LAMA3: variants seen among roughly 807,000 people sequenced by gnomAD.
LAMA3 encodes the protein laminin subunit alpha-3.
In LAMA3, 281 loss-of-function variants were observed where a neutral mutation model predicts 402.0. That is an observed-to-expected ratio of 0.70 (90% CI 0.63 to 0.77). The LOEUF is 0.77. Among genes scored for constraint, LAMA3 ranks in the 30% least tolerant of loss-of-function variants. The pLI, the probability that LAMA3 is intolerant of heterozygous loss-of-function variation, is 0.00. For synonymous variants in LAMA3, 1,431 were observed against 1,558.4 expected (o/e 0.92, Z 1.93); for missense variants, 3,840 against 4,215.5 (o/e 0.91, Z 2.47).
At chr18:23,718,715 C>T (rs2061155650) in intron 2 of LAMA3, among the ~76,000 whole-genome samples, 1 of 152,152 alleles carries the variant, frequency 6.6e-6, no homozygotes, top group African/African-American at 2.4e-5. Flanking sequence ...GCTGTGATGT[C>T]CACAGCTCCC....
chr18:23,823,835 A>T (rs1404548995), intron 20 of LAMA3, among the ~76,000 whole-genome samples: 1 of 152,230 alleles, frequency 6.6e-6, no homozygotes, highest in Non-Finnish European at 1.5e-5. Flanking sequence ...TTTTTTCCTG[A>T]AAACAAACAA....
At chr18:23,924,543 C>CTTTTTTTTTT (rs66546657) in intron 62 of LAMA3, among the ~76,000 whole-genome samples, 1 of 89,102 alleles carries the variant, frequency 1.1e-5, no homozygotes, top group Non-Finnish European at 2.6e-5. Flanking sequence ...CTTTTTTTTT[C>CTTTTTTTTTT]TTTTTTTTTT....
At chr18:23,735,454 G>A (rs184719139) in intron 2 of LAMA3, among the ~76,000 whole-genome samples, 4 of 152,290 alleles carry the variant, frequency 2.6e-5, no homozygotes, top group Admixed American at 6.5e-5. Context: ...CGTTCCTAGC[G>A]TGTTGTGAGC....
chr18:23,815,090 C>T (rs925380949), intron 15 of LAMA3, 98 bp from the exon 16 acceptor site: 14 of 1,082,314 alleles, frequency 1.3e-5, no homozygotes, highest in Non-Finnish European at 1.8e-5. Flanking sequence ...CTGGCAAGGC[C>T]AACTGCACAC....
intron 13 of LAMA3, among the ~76,000 whole-genome samples, chr18:23,812,049 AT>A (rs894720836): frequency 6.6e-6 from 1 of 151,594 alleles, no homozygotes; most frequent in African/African-American, 2.4e-5. Context: ...AATTTTTTGT[AT>A]TTTTAGTAGA....
intron 73 of LAMA3, 62 bp downstream of exon 73, chr18:23,951,839 G>C: frequency 7.5e-7 from 1 of 1,328,200 alleles, no homozygotes; most frequent in Non-Finnish European, 1.1e-6. Flanking sequence ...ATTTTGACTT[G>C]AACATCCCAA....
At chr18:23,758,589 G>A in intron 7 of LAMA3, 78 bp downstream of exon 7, 1 of 1,080,316 alleles carries the variant, frequency 9.3e-7, no homozygotes, top group South Asian at 1.3e-5. Flanking sequence ...TTTTCCCCAT[G>A]CTAGAGAAGA....
intron 40 of LAMA3, among the ~76,000 whole-genome samples, chr18:23,882,430 G>A (rs1419219528): frequency 6.6e-6 from 1 of 151,994 alleles, no homozygotes; most frequent in African/African-American, 2.4e-5. Flanking sequence ...AGGAGTTCGA[G>A]ACCAGCCTGG....
At chr18:23,704,557 T>A (rs973412631) in intron 1 of LAMA3, among the ~76,000 whole-genome samples, 3 of 152,250 alleles carry the variant, frequency 2.0e-5, no homozygotes, top group Non-Finnish European at 4.4e-5. Flanking sequence ...TTTGCTGGGC[T>A]CCCACACCCC....
Position 23,894,025 on chromosome 18 carries a change from C to T in LAMA3, c.5411-273C>T, listed in dbSNP as rs189067334. Among the ~76,000 whole-genome samples the T allele has an allele frequency of 8.1e-4, 123 of 152,138 alleles. 1 individual carries two copies. Among genetic ancestry groups the T allele is most frequent in the African/African-American group, 2.7e-3 (113 of 41,512 alleles). On this transcript the variant is annotated intron_variant, in intron 42 of 74. Transcript: ENST00000313654. ...GAGGCCACAAAAGCAGTTCCTGCAG[C>T]GAGCCTGCTGGGAGATGAGAAGGCT...
At chr18:23,882,709 C>T (rs9951784) in intron 40 of LAMA3, among the ~76,000 whole-genome samples, 71,527 of 151,866 alleles carry the variant, frequency 0.47, 19,049 homozygotes, top group Non-Finnish European at 0.62. Flanking sequence ...CATTCAGTGG[C>T]TAAGCAGCTA....
chr18:23,871,750 C>T (rs1438186880), intron 38 of LAMA3, 89 bp downstream of exon 38: 20 of 994,074 alleles, frequency 2.0e-5, no homozygotes, highest in Non-Finnish European at 4.7e-6. Flanking sequence ...TGGTTTGGGG[C>T]CCTCTGTCTA....
chr18:23,758,541 C>T (rs757801044), intron 7 of LAMA3, 30 bp downstream of exon 7: 13 of 1,427,066 alleles, frequency 9.1e-6, no homozygotes, highest in African/African-American at 5.1e-5. Flanking sequence ...GGGGGCCACA[C>T]GTGGCCTTCT....
intron 38 of LAMA3, 73 bp downstream of exon 38, chr18:23,871,734 GTGGGA>G: frequency 2.4e-6 from 3 of 1,244,560 alleles, no homozygotes; most frequent in Non-Finnish European, 2.3e-6. Context: ...GTCCAGCACT[GTGGGA>G]TGGTTTGGGG....
intron 66 of LAMA3, among the ~76,000 whole-genome samples, chr18:23,933,308 C>T (rs1320880066): frequency 1.3e-5 from 2 of 152,168 alleles, no homozygotes; most frequent in Non-Finnish European, 2.9e-5. Flanking sequence ...TCTTGGGCTC[C>T]TCGCCGGCTT....
chr18:23,907,368 C>A (rs1310530733), intron 52 of LAMA3, among the ~76,000 whole-genome samples, 182 bp from the exon 53 acceptor site: 1 of 152,164 alleles, frequency 6.6e-6, no homozygotes, highest in East Asian at 1.9e-4. Flanking sequence ...CTGCTGACCT[C>A]TGTAACTGGA....
intron 2 of LAMA3, among the ~76,000 whole-genome samples, chr18:23,726,692 A>T (rs2061306101): frequency 6.6e-6 from 1 of 152,194 alleles, no homozygotes; most frequent in Admixed American, 6.5e-5. Flanking sequence ...ATCTCGGCTC[A>T]CTACAACCTC....
chr18:23,856,843 G>A (rs1244917841), intron 32 of LAMA3, among the ~76,000 whole-genome samples: 1 of 152,034 alleles, frequency 6.6e-6, no homozygotes, highest in African/African-American at 2.4e-5. Flanking sequence ...CCCCAAAATA[G>A]TTTGGGAGCC....
At chr18:23,777,471 G>C (rs1285386666) in intron 10 of LAMA3, 86 bp from the exon 11 acceptor site, 2 of 894,962 alleles carry the variant, frequency 2.2e-6, no homozygotes, top group Non-Finnish European at 3.8e-6. Flanking sequence ...GTGACAGAGG[G>C]TGTCTTCCTA....
Sources: gnomAD v4.1 joint callset for allele counts (sites outside exome capture counted in the v4.1 genomes callset) on GRCh38, gnomAD v4.1.1 for gene constraint, MANE v1.5 for transcripts, NCBI Gene and HGNC (gene_info 2026-07-23, HGNC 2026-07-21) for gene names.